RAB7A: variants seen among roughly 807,000 people sequenced by gnomAD.
RAB7A encodes the protein RAB7A, member RAS oncogene family.
A neutral mutation model predicts 24.5 loss-of-function variants in RAB7A; 2 were observed. The ratio of observed to expected loss-of-function variants is 0.08; its 90% confidence interval spans 0.03 to 0.26. The LOEUF is 0.26. RAB7A is among the 10% of genes least tolerant of loss of function. RAB7A has a pLI of 1.00. For missense variants in RAB7A, 118 were observed against 255.7 expected (o/e 0.46, Z 3.67); for synonymous variants, 100 against 95.9 (o/e 1.04, Z -0.25).
At chr3:128,812,174 G>A (rs1395094241) in intron 5 of RAB7A, among the ~76,000 whole-genome samples, 1 of 152,218 alleles carries the variant, frequency 6.6e-6, no homozygotes, top group Non-Finnish European at 1.5e-5. Flanking sequence ...GAGTGCAATG[G>A]CACCATCTTG....
chr3:128,746,016 G>A (rs768845388), intron 1 of RAB7A, among the ~76,000 whole-genome samples: 3 of 152,166 alleles, frequency 2.0e-5, no homozygotes, highest in Non-Finnish European at 2.9e-5. Flanking sequence ...CATGGAGCTC[G>A]GGATCTTGTT....
intron 3 of RAB7A, among the ~76,000 whole-genome samples, chr3:128,801,109 A>G (rs1933689438): frequency 1.3e-5 from 2 of 152,256 alleles, no homozygotes; most frequent in South Asian, 4.1e-4. Flanking sequence ...TTTTGTATTT[A>G]AAGAAATAAG....
Position 128,813,662 on chromosome 3 carries a change from C to A in RAB7A, c.*240C>A, listed in dbSNP as rs1415249108. 1 of 549,788 alleles carries A rather than the reference C, an allele frequency of 1.8e-6. No homozygotes were observed. 34.1% of individuals were successfully genotyped at this position (549,788 alleles called of 1,614,324 possible). On this transcript the variant is annotated 3_prime_UTR_variant, in exon 6 of 6. Coordinates refer to ENST00000265062, the MANE Select transcript of RAB7A (RefSeq NM_004637.6). ...CTCCAGCCCTTGCCCGTGATGGCTC[C>A]TTGGGGTCTGCCTGCCCACCCACAT... is the stretch of plus-strand genomic sequence containing the variant.
chr3:128,726,599 T>C (rs1356925753), intron 1 of RAB7A, among the ~76,000 whole-genome samples: 1 of 152,148 alleles, frequency 6.6e-6, no homozygotes, highest in African/African-American at 2.4e-5. Flanking sequence ...GCCACCCGTC[T>C]CGGACGCTCT....
intron 1 of RAB7A, among the ~76,000 whole-genome samples, chr3:128,783,115 A>G (rs557939269): frequency 6.6e-6 from 1 of 152,216 alleles, no homozygotes; most frequent in African/African-American, 2.4e-5. Context: ...TCCCTGCACA[A>G]TTGTTTACCA....
chr3:128,809,736 C>G (rs1370283655), intron 5 of RAB7A, among the ~76,000 whole-genome samples: 1 of 151,994 alleles, frequency 6.6e-6, no homozygotes, highest in East Asian at 1.9e-4. Flanking sequence ...GAGAGCTCAG[C>G]CAGTTGTTTG....
chr3:128,749,926 A>G (rs2070660246), intron 1 of RAB7A, among the ~76,000 whole-genome samples: 1 of 152,258 alleles, frequency 6.6e-6, no homozygotes, highest in South Asian at 2.1e-4. Flanking sequence ...GTGCTGCTGA[A>G]AAGATAACCA....
At chr3:128,757,583 G>GCT (rs2070740798) in intron 1 of RAB7A, among the ~76,000 whole-genome samples, 1 of 151,240 alleles carries the variant, frequency 6.6e-6, no homozygotes, top group Non-Finnish European at 1.5e-5. Context: ...ATAGTGGCAT[G>GCT]ATCTCAGCTC....
chr3:128,807,602 G>A lies in RAB7A; in HGVS notation c.459G>A (p.Glu153=), dbSNP rs1933833283. ...GCAAAAACAACATTCCCTACTTTGA[G>A]ACCAGTGCCAAGGAGGCCATCAACG... is the stretch of plus-strand genomic sequence containing the variant. ...CYSKNNIPYF[E]TSAKEAINVE... The change falls in exon 5 of 6, where the codon GAG becomes GAA. Residue 153 remains glutamate, a synonymous_variant. Transcript: ENST00000265062. 5.0e-6 allele frequency: 8 copies of A among 1,614,224 alleles called. No individual in the cohort carries two copies. The highest frequency in any genetic ancestry group is 1.1e-5 in the South Asian group (1 of 91,076).
chr3:128,776,558 T>C (rs79248173), intron 1 of RAB7A, among the ~76,000 whole-genome samples: 1 of 152,332 alleles, frequency 6.6e-6, no homozygotes, highest in East Asian at 1.9e-4. Context: ...GTTGCAGGAT[T>C]ACAGGTGTGT....
intron 1 of RAB7A, among the ~76,000 whole-genome samples, chr3:128,770,215 C>G (rs2070872471): frequency 6.6e-6 from 1 of 152,184 alleles, no homozygotes; most frequent in East Asian, 1.9e-4. Context: ...GTTGGCCAGG[C>G]TGGTTTCGAA....
intron 1 of RAB7A, among the ~76,000 whole-genome samples, chr3:128,732,464 A>C (rs1028578199): frequency 6.6e-6 from 1 of 151,992 alleles, no homozygotes; most frequent in Non-Finnish European, 1.5e-5. Flanking sequence ...CCCGAGGAAG[A>C]CCAAAGTGTT....
At chr3:128,808,374 TTAAAA>T (rs1427139686) in intron 5 of RAB7A, among the ~76,000 whole-genome samples, 1 of 151,912 alleles carries the variant, frequency 6.6e-6, no homozygotes, top group African/African-American at 2.4e-5. Context: ...AAATTAAAAA[TTAAAA>T]TAAAAAAAAT....
In RAB7A at chr3:128,798,374, C is replaced by A. The variant is rs1933620133; in HGVS notation, c.180+305C>A. The stretch of plus-strand genomic sequence containing the variant: ...TTTTGTTGTTTGCTAAATTTGGCAA[C>A]CTGCAGGTCTCTGTCTTGTGCCTCT... On this transcript the variant is annotated intron_variant, in intron 3 of 5. Transcript: ENST00000265062. 4 of 348,432 alleles carry A rather than the reference C, an allele frequency of 1.1e-5. No homozygotes were observed. The Admixed American group carries it at 1.6e-4, about 14-fold the overall frequency. The allele number at this position is 348,432 out of a possible 1,614,324, so 21.6% of individuals were successfully genotyped here.
intron 1 of RAB7A, among the ~76,000 whole-genome samples, chr3:128,793,495 A>T (rs1441680069): frequency 6.6e-6 from 1 of 152,186 alleles, no homozygotes; most frequent in East Asian, 1.9e-4. Context: ...CATGTTGGCC[A>T]GGCTGGTCTC....
At chr3:128,771,373 A>T (rs1347923556) in intron 1 of RAB7A, among the ~76,000 whole-genome samples, 1 of 152,230 alleles carries the variant, frequency 6.6e-6, no homozygotes, top group Admixed American at 6.5e-5. Flanking sequence ...CTGGCTAAAG[A>T]ACAAAGAATT....
chr3:128,773,158 C>T (rs994991840), intron 1 of RAB7A, among the ~76,000 whole-genome samples: 13 of 151,768 alleles, frequency 8.6e-5, no homozygotes, highest in African/African-American at 2.9e-4. Flanking sequence ...CGTCTCTGCC[C>T]GGCTGCCCAT....
intron 1 of RAB7A, among the ~76,000 whole-genome samples, chr3:128,759,989 C>T (rs373770830): frequency 3.0e-4 from 46 of 152,258 alleles, no homozygotes; most frequent in African/African-American, 1.1e-3. Flanking sequence ...GGATTATAGG[C>T]GTGAACCACC....
chr3:128,776,343 C>CACTACAGCCTGGGA (rs1323862924), intron 1 of RAB7A, among the ~76,000 whole-genome samples: 1 of 151,976 alleles, frequency 6.6e-6, no homozygotes, highest in East Asian at 1.9e-4. Context: ...GAACACAGCT[C>CACTACAGCCTGGGA]ACTACAGCCT....
Sources: gnomAD v4.1 joint callset for allele counts (sites outside exome capture counted in the v4.1 genomes callset) on GRCh38, gnomAD v4.1.1 for gene constraint, MANE v1.5 for transcripts, NCBI Gene and HGNC (gene_info 2026-07-23, HGNC 2026-07-21) for gene names.